LYPD6B: variants seen among roughly 807,000 people sequenced by gnomAD.
LYPD6B encodes ly6/PLAUR domain-containing protein 6B.
In LYPD6B, 17 loss-of-function variants were observed where a neutral mutation model predicts 22.8. The ratio of observed to expected loss-of-function variants is 0.75; its 90% CI spans 0.51 to 1.12. The LOEUF (loss-of-function observed/expected upper bound fraction) is 1.12, where lower values mean the gene tolerates loss of function less well. LYPD6B is among the 50% of genes most tolerant of loss of function. LYPD6B has a pLI of 0.00. For synonymous variants in LYPD6B, 106 were observed against 91.6 expected (o/e 1.16, Z -0.90); for missense variants, 221 against 258.3 (o/e 0.86, Z 0.99).
intron 3 of LYPD6B, among the ~76,000 whole-genome samples, chr2:149,203,648 T>C (rs138509556): frequency 9.8e-5 from 15 of 152,362 alleles, no homozygotes; most frequent in Admixed American, 9.8e-4. Context: ...GGTATGATTA[T>C]GTACATGAGC....
intron 1 of LYPD6B, among the ~76,000 whole-genome samples, chr2:149,042,038 G>A (rs566635954): frequency 9.2e-5 from 14 of 152,252 alleles, no homozygotes; most frequent in African/African-American, 2.6e-4. Flanking sequence ...TACCTTCCCC[G>A]GAAACTCCCT....
intron 1 of LYPD6B, among the ~76,000 whole-genome samples, chr2:149,110,450 C>T (rs577841307): frequency 1.3e-5 from 2 of 151,838 alleles, no homozygotes; most frequent in South Asian, 2.1e-4. Flanking sequence ...TATTCTTGAA[C>T]CTTGTTTTAG....
intron 1 of LYPD6B, among the ~76,000 whole-genome samples, chr2:149,104,401 T>C (rs1422809795): frequency 6.6e-6 from 1 of 152,208 alleles, no homozygotes; most frequent in Non-Finnish European, 1.5e-5. Flanking sequence ...ACCCAGTATG[T>C]TAGCTATTTT....
In LYPD6B at chr2:149,187,563, A is replaced by G. The variant is rs1488152252; in HGVS notation, c.78-17690A>G. 4.9e-6 allele frequency: 7 copies of G among 1,432,952 alleles called. No homozygotes were observed. In the South Asian group the frequency reaches 7.8e-5, roughly 16 times the overall value. The allele number at this position is 1,432,952 out of a possible 1,614,324, so 88.8% of individuals were successfully genotyped here. ...ATCTCAGGCAACGTCAATGAACAAC[A>G]TGAAGCCTGACACATTGTAGGTGCC... On this transcript the variant is annotated intron_variant, in intron 3 of 6. Coordinates refer to ENST00000409642, the MANE Select transcript of LYPD6B (RefSeq NM_177964.5).
intron 1 of LYPD6B, among the ~76,000 whole-genome samples, chr2:149,062,985 G>A (rs567924829): frequency 6.6e-6 from 1 of 151,388 alleles, no homozygotes; most frequent in East Asian, 1.9e-4. Context: ...GAGCTGCAAG[G>A]TTCACCAAGT....
At chr2:149,170,695 A>G (rs755541125) in intron 3 of LYPD6B, among the ~76,000 whole-genome samples, 12 of 152,232 alleles carry the variant, frequency 7.9e-5, no homozygotes, top group Non-Finnish European at 1.6e-4. Flanking sequence ...GTAGAAAATC[A>G]AAAGAAAGTA....
intron 3 of LYPD6B, among the ~76,000 whole-genome samples, chr2:149,179,784 T>G (rs999567265): frequency 2.0e-5 from 3 of 152,230 alleles, no homozygotes; most frequent in African/African-American, 7.2e-5. Flanking sequence ...TGTTGGTTTG[T>G]GTATCATCCA....
chr2:149,092,122 G>T (rs796267864), intron 1 of LYPD6B, among the ~76,000 whole-genome samples: 1 of 152,054 alleles, frequency 6.6e-6, no homozygotes, highest in Non-Finnish European at 1.5e-5. Context: ...GTCTTAATAT[G>T]TGTCAGGGCG....
At chr2:149,150,802 C>T (rs886472345) in intron 2 of LYPD6B, among the ~76,000 whole-genome samples, 31 of 152,136 alleles carry the variant, frequency 2.0e-4, no homozygotes, top group African/African-American at 6.0e-4. Flanking sequence ...TTCTAGAACT[C>T]ATTTGGCTCG....
intron 3 of LYPD6B, among the ~76,000 whole-genome samples, chr2:149,167,706 C>A (rs922706493): frequency 6.6e-6 from 1 of 152,050 alleles, no homozygotes; most frequent in African/African-American, 2.4e-5. Flanking sequence ...TGTGGCAATT[C>A]CTTTAAGTCA....
chr2:149,052,848 G>A (rs1378874357), intron 1 of LYPD6B, among the ~76,000 whole-genome samples: 1 of 152,088 alleles, frequency 6.6e-6, no homozygotes, highest in Non-Finnish European at 1.5e-5. Flanking sequence ...ATGGAAAAAG[G>A]GGAAAATAAA....
At chr2:149,136,432 T>C (rs895809750) in intron 2 of LYPD6B, among the ~76,000 whole-genome samples, 146 of 152,208 alleles carry the variant, frequency 9.6e-4, no homozygotes, top group African/African-American at 3.1e-3. Flanking sequence ...CTCCGAGTCT[T>C]CATTAGCTTC....
At position 149,214,826 on chromosome 2, in the gene LYPD6B, G is replaced by A. The variant is rs1399067725; in HGVS notation, c.*116G>A. On this transcript the variant is annotated 3_prime_UTR_variant, in exon 7 of 7. Coordinates refer to ENST00000409642, the MANE Select transcript of LYPD6B (RefSeq NM_177964.5). ...TGCACTTGGTGAAGAGTGCACATTGGACCTCAAGGCGAAAGCCAGTGGTTT... is the reference window on the plus strand; with the variant it reads ...TGCACTTGGTGAAGAGTGCACATTGAACCTCAAGGCGAAAGCCAGTGGTTT... The A allele has an allele frequency of 2.7e-6, 3 of 1,097,048 alleles. No homozygotes were observed. The African/African-American group carries it at 4.6e-5, about 17-fold the overall frequency. 68.0% of individuals were successfully genotyped at this position (1,097,048 alleles called of 1,614,324 possible). A position where few individuals can be genotyped will look rare whatever the true frequency, so the allele number is the denominator to read the frequency against.
rs35470511 is a variant in LYPD6B at position 149,177,835 on chromosome 2, G to GTTTT, written c.77+17015_77+17018dup. Among the ~76,000 whole-genome samples, 52 of 131,856 alleles carry GTTTT rather than the reference G, an allele frequency of 3.9e-4. 2 individuals carry two copies. The highest frequency in any genetic ancestry group is 1.3e-3 in the African/African-American group (46 of 35,162). 86.5% of individuals were successfully genotyped at this position (131,856 alleles called of 152,430 possible). A position where few individuals can be genotyped will look rare whatever the true frequency, so the allele number is the denominator to read the frequency against. Reference sequence around the variant, plus strand: ...CTGGCACTGTATCCCTTCTGCAAGAGTTTTTTTTTTTTTTTTTTGTACTAT... The same window carrying GTTTT: ...CTGGCACTGTATCCCTTCTGCAAGAGTTTTTTTTTTTTTTTTTTTTTTGTACTAT... On this transcript the variant is annotated intron_variant, in intron 3 of 6. Coordinates refer to ENST00000409642, the MANE Select transcript of LYPD6B (RefSeq NM_177964.5).
intron 2 of LYPD6B, among the ~76,000 whole-genome samples, chr2:149,138,592 A>G (rs540025190): frequency 2.6e-5 from 4 of 152,264 alleles, no homozygotes; most frequent in Non-Finnish European, 5.9e-5. Flanking sequence ...CCCAGGCTGG[A>G]GTGCAGTGGT....
chr2:149,101,480 T>G (rs1558997913), intron 1 of LYPD6B: 1 of 152,262 alleles, frequency 6.6e-6, no homozygotes, highest in Non-Finnish European at 1.5e-5. Context: ...AAGTAATGCT[T>G]GGCAAACCAT....
intron 1 of LYPD6B, among the ~76,000 whole-genome samples, chr2:149,125,202 C>T (rs946017945): frequency 2.0e-5 from 3 of 152,094 alleles, no homozygotes; most frequent in African/African-American, 4.8e-5. Flanking sequence ...AGTGCTGTAA[C>T]GTCACAAATC....
rs144221294 is a variant in LYPD6B, at chr2:149,135,344, T to C, written c.5+4391T>C. Among the ~76,000 whole-genome samples the C allele has an allele frequency of 3.9e-3, 589 of 152,176 alleles. 2 individuals carry two copies. Among genetic ancestry groups the C allele is most frequent in the African/African-American group, 0.013 (551 of 41,528 alleles). The stretch of plus-strand genomic sequence containing the variant: ...TTGTAAACTATTTTTTTTGTAAGTT[T>C]TGAGAATTCCTTTAGGTTAAAAGGA... On this transcript the variant is annotated intron_variant, in intron 2 of 6. Transcript: ENST00000409642.
intron 1 of LYPD6B, among the ~76,000 whole-genome samples, chr2:149,080,324 C>T (rs1289288236): frequency 6.6e-6 from 1 of 152,182 alleles, no homozygotes; most frequent in African/African-American, 2.4e-5. Context: ...GGATCAGTGC[C>T]CATCCTACTC....
Sources: gnomAD v4.1 joint callset for allele counts (sites outside exome capture counted in the v4.1 genomes callset) on GRCh38, gnomAD v4.1.1 for gene constraint, MANE v1.5 for transcripts, NCBI Gene and HGNC (gene_info 2026-07-23, HGNC 2026-07-21) for gene names.